Variants in ARHGEF1 observed in about 807,000 individuals in gnomAD.
The protein encoded by ARHGEF1 is Rho guanine nucleotide exchange factor 1, also known as 115 kDa guanine nucleotide exchange factor.
In ARHGEF1, 40 loss-of-function variants were observed where a neutral mutation model predicts 119.7. The ratio of observed to expected loss-of-function variants is 0.33; its 90% confidence interval spans 0.26 to 0.44. The LOEUF is 0.44. Among genes scored for constraint, ARHGEF1 ranks in the 20% least tolerant of loss-of-function variants. The probability of loss-of-function intolerance (pLI) is 1.00; values close to 1 mark genes in which losing one functional copy is unlikely to be tolerated. For synonymous variants in ARHGEF1, 494 were observed against 521.0 expected (o/e 0.95, Z 0.71); for missense variants, 976 against 1,268.3 (o/e 0.77, Z 3.50).
At position 41,905,155 on chromosome 19, in the gene ARHGEF1, G is replaced by T. The variant is rs782133847; in HGVS notation, c.2250-20G>T. On this transcript the variant is annotated intron_variant, in intron 23 of 28. Transcript: ENST00000354532. This position sits in a 1 kb window ranked among gnomAD's most constrained non-coding sequence, Gnocchi z 6.4. ...GGTCTGGGGGCTCTGACTGCCCAGGGATTTGGCCTTTCTCCCCAGCTGGTG... is the reference window on the plus strand; with the variant it reads ...GGTCTGGGGGCTCTGACTGCCCAGGTATTTGGCCTTTCTCCCCAGCTGGTG... 1.9e-6 allele frequency: 3 copies of T among 1,613,628 alleles called. No individual in the cohort carries two copies. In the South Asian group the frequency reaches 3.3e-5, roughly 18 times the overall value.
In ARHGEF1 at chr19:41,905,196, G is replaced by A; in HGVS notation, c.2271G>A (p.Glu757=). ...CCAGCTGGTGTGCTCTCATCACTGA[G>A]ACTGCCGGATCCCTGAAAGTCCCTG... The part of the protein sequence containing the change: ...ERKNWCALIT[E]TAGSLKVPAP... Residue 757 remains glutamate (E), a synonymous_variant, in exon 24 of 29, where the codon GAG becomes GAA. Transcript: ENST00000354532. This position sits in a 1 kb window ranked among gnomAD's most constrained non-coding sequence, Gnocchi z 6.4. 1 of 1,614,074 alleles carries A rather than the reference G, an allele frequency of 6.2e-7. No homozygotes were observed.
Position 41,892,419 on chromosome 19 carries a change from C to T in ARHGEF1, c.367+46C>T. 1.9e-6 allele frequency: 3 copies of T among 1,612,708 alleles called. No homozygotes were observed. The highest frequency in any genetic ancestry group is 2.5e-6 in the Non-Finnish European group (3 of 1,179,052). On this transcript the variant is annotated intron_variant, in intron 6 of 28. Transcript: ENST00000354532. The surrounding 1 kb of genome is among the most constrained non-coding windows in gnomAD (Gnocchi z 6.3). ...AGGGAGAGGTGTCTAGCGGGGACCA[C>T]ACCTCCCAGGAGGCCAAGGGGAGGG...
rs2074682223 is a variant in ARHGEF1 at position 41,905,689 on chromosome 19, T to C, written c.2337-71T>C. 7 of 1,536,204 alleles carry C rather than the reference T, an allele frequency of 4.6e-6. No homozygotes were observed. Among genetic ancestry groups the C allele is most frequent in the Admixed American group, 1.7e-5 (1 of 57,854 alleles). On this transcript the variant is annotated intron_variant, in intron 24 of 28. Coordinates refer to ENST00000354532, the MANE Select transcript of ARHGEF1 (RefSeq NM_004706.4). The surrounding 1 kb of genome is among the most constrained non-coding windows in gnomAD (Gnocchi z 6.4). ...ACCTCCCTGCCTCCCCACCTCCAGC[T>C]CTCTGTCTCCCTGCCCCTGCGGCCC...
Position 41,888,248 on chromosome 19 carries a change from G to A in ARHGEF1, c.81G>A (p.Glu27=), listed in dbSNP as rs782411038. Residue 27 remains glutamate, a synonymous_variant, in exon 3 of 29, where the codon GAG becomes GAA. Transcript: ENST00000354532. This position sits in a 1 kb window ranked among gnomAD's most constrained non-coding sequence, Gnocchi z 5.1. ...GLVPVSIIGA[E]DEDFENELET... Reference sequence around the variant, plus strand: ...TTCCCGTCAGCATCATCGGGGCTGAGGATGAGGATTTTGAGAACGAGCTGG... The same window carrying A: ...TTCCCGTCAGCATCATCGGGGCTGAAGATGAGGATTTTGAGAACGAGCTGG... The A allele has an allele frequency of 6.2e-7, 1 of 1,614,034 alleles. No individual in the cohort carries two copies. Among genetic ancestry groups the A allele is most frequent in the Non-Finnish European group, 8.5e-7 (1 of 1,179,998 alleles).
At chr19:41,919,882 A>T (rs1381635028), upstream of ARHGEF1, among the ~76,000 whole-genome samples, 1 of 152,090 alleles carries the variant, frequency 6.6e-6, no homozygotes, top group African/African-American at 2.4e-5. Flanking sequence ...GGACGGTCAC[A>T]CCAGACGCAG....
chr19:41,914,459 C>G (rs1326088904), intron 18 of ARHGEF1, among the ~76,000 whole-genome samples: 2 of 151,908 alleles, frequency 1.3e-5, no homozygotes, highest in African/African-American at 4.8e-5. Context: ...TCTCTCACCC[C>G]TGCTTCTTCT....
chr19:41,920,075 TCA>T (rs1459437383), upstream of ARHGEF1, among the ~76,000 whole-genome samples: 27 of 99,816 alleles, frequency 2.7e-4, no homozygotes, highest in South Asian at 1.4e-3. Context: ...TGTGACACAC[TCA>T]CAGACATGAC....
rs552046898 is a variant in ARHGEF1 at position 41,905,637 on chromosome 19, G to A, written c.2337-123G>A. The A allele has an allele frequency of 3.0e-4, 291 of 976,414 alleles. No homozygotes were observed. The highest frequency in any genetic ancestry group is 9.3e-4 in the African/African-American group (57 of 61,558). 60.5% of individuals were successfully genotyped at this position (976,414 alleles called of 1,614,324 possible). ...GGGCCTCTCTGTCTCCCTGTCTCCC[G>A]GCCTCGACCTCTGTCTCTGTCTCCG... On this transcript the variant is annotated intron_variant, in intron 24 of 28. Transcript: ENST00000354532. This position sits in a 1 kb window ranked among gnomAD's most constrained non-coding sequence, Gnocchi z 6.4.
Position 41,916,374 on chromosome 19 carries a change from C to G in ARHGEF1, c.1866-6718C>G, listed in dbSNP as rs1789964662. ...GCTGCCACACACAACCCACATCACACAGATGCATGTGTCAGTAAAGTCACA... is the reference window on the plus strand; with the variant it reads ...GCTGCCACACACAACCCACATCACAGAGATGCATGTGTCAGTAAAGTCACA... On this transcript the variant is annotated intron_variant, in intron 18 of 20. Coordinates refer to the ARHGEF1 transcript ENST00000599589. The surrounding 1 kb of genome is among the most constrained non-coding windows in gnomAD (Gnocchi z 5.4). 6.6e-6 allele frequency among the ~76,000 whole-genome samples: 1 copy of G among 152,096 alleles called. No homozygotes were observed. Among genetic ancestry groups the G allele is most frequent in the Admixed American group, 6.6e-5 (1 of 15,266 alleles).
intron 1 of ARHGEF1, chr19:41,884,577 C>T: frequency 1.3e-6 from 2 of 1,544,168 alleles, no homozygotes; most frequent in South Asian, 1.2e-5. Flanking sequence ...ACTGCCACGT[C>T]CCCCGTAGGA....
In ARHGEF1 at chr19:41,903,345, G is replaced by A. The variant is rs144202833; in HGVS notation, c.1777G>A (p.Glu593Lys). The A allele has an allele frequency of 2.4e-5, 38 of 1,613,916 alleles. No homozygotes were observed. Among genetic ancestry groups the A allele is most frequent in the Middle Eastern group, 1.6e-4 (1 of 6,062 alleles). ...ACGGGAGAAAGTGGAGCTGGCAGCC[G>A]AGTGCTGCCGGGAAATTCTACACCA... The part of the protein sequence containing the change: ...TEREKVELAA[E>K]CCREILHHVN... The change falls in exon 19 of 29, where the codon GAG becomes AAG. Residue 593 changes from glutamate (E) to lysine (K), a missense_variant. Glu to Lys is a moderately conservative substitution (Grantham distance 56, BLOSUM62 1). This residue lies in a region of ARHGEF1 where 286 missense variants were observed against 506.8 expected (regional missense o/e 0.56). Transcript: ENST00000354532. The surrounding 1 kb of genome is among the most constrained non-coding windows in gnomAD (Gnocchi z 4.2).
Position 41,902,023 on chromosome 19 carries a change from C to T in ARHGEF1, c.1404C>T (p.Ile468=), listed in dbSNP as rs782645744. The T allele has an allele frequency of 4.3e-6, 7 of 1,613,944 alleles. No homozygotes were observed. The highest frequency in any genetic ancestry group is 1.1e-5 in the South Asian group (1 of 91,052). ...TCTTCCCCAGCCTGGACGAGCTCATCGAGGTGCATTGTGAGTGCAGAGCCA... is the reference window on the plus strand; with the variant it reads ...TCTTCCCCAGCCTGGACGAGCTCATTGAGGTGCATTGTGAGTGCAGAGCCA... ...QNIFPSLDEL[I]EVHSLFLDRL... The change falls in exon 15 of 29, where the codon ATC becomes ATT. Residue 468 remains isoleucine, a synonymous_variant. Transcript: ENST00000354532. The surrounding 1 kb of genome is among the most constrained non-coding windows in gnomAD (Gnocchi z 6.5).
At position 41,902,622 on chromosome 19, in the gene ARHGEF1, G is replaced by A. The variant is rs782521256; in HGVS notation, c.1587G>A (p.Lys529=). ...TTGCCTTAGAGCAGCTCAAAGCCAAGCAACGCAAGGACCCTCGGTTCTGTG... is the reference window on the plus strand; with the variant it reads ...TTGCCTTAGAGCAGCTCAAAGCCAAACAACGCAAGGACCCTCGGTTCTGTG... ...QSFALEQLKA[K]QRKDPRFCAF... Residue 529 remains lysine, a synonymous_variant, in exon 17 of 29, where the codon AAG becomes AAA. Transcript: ENST00000354532. This position sits in a 1 kb window ranked among gnomAD's most constrained non-coding sequence, Gnocchi z 6.5. 2 of 1,614,226 alleles carry A rather than the reference G, an allele frequency of 1.2e-6. No individual in the cohort carries two copies. Among genetic ancestry groups the A allele is most frequent in the Non-Finnish European group, 1.7e-6 (2 of 1,180,030 alleles).
chr19:41,917,715 C>T lies in ARHGEF1; in HGVS notation c.1866-5377C>T, dbSNP rs1011180304. On this transcript the variant is annotated intron_variant, in intron 18 of 20. Transcript: ENST00000599589. This position sits in a 1 kb window ranked among gnomAD's most constrained non-coding sequence, Gnocchi z 4.8. The stretch of plus-strand genomic sequence containing the variant: ...CACACGTTCAGGCACAATCTGGGGA[C>T]ATATCTCTCCTTACGCCACACGCCC... Among the ~76,000 whole-genome samples the T allele has an allele frequency of 2.2e-4, 33 of 151,616 alleles. No individual in the cohort carries two copies. The highest frequency in any genetic ancestry group is 7.8e-4 in the African/African-American group (32 of 41,140).
chr19:41,919,467 C>T (rs1258162339), upstream of ARHGEF1, among the ~76,000 whole-genome samples: 3 of 152,062 alleles, frequency 2.0e-5, no homozygotes, highest in Non-Finnish European at 4.4e-5. Flanking sequence ...CAAGCTGGTA[C>T]ATTCAGCTCC....
Position 41,903,852 on chromosome 19 carries a change from C to T in ARHGEF1, c.1917+68C>T. ...GGCCCAGGGGATTCTGTGATACAGC[C>T]CCCAGCCTGTCCTGCCCATCCCATA... On this transcript the variant is annotated intron_variant, in intron 20 of 28. Coordinates refer to ENST00000354532, the MANE Select transcript of ARHGEF1 (RefSeq NM_004706.4). The surrounding 1 kb of genome is among the most constrained non-coding windows in gnomAD (Gnocchi z 4.2). 6.5e-7 allele frequency: 1 copy of T among 1,538,702 alleles called. No individual in the cohort carries two copies. Among genetic ancestry groups the T allele is most frequent in the Non-Finnish European group, 9.0e-7 (1 of 1,114,412 alleles).
rs544295220 is a variant in ARHGEF1, at chr19:41,916,072, G to C, written c.1866-7020G>C. On this transcript the variant is annotated intron_variant, in intron 18 of 20. Transcript: ENST00000599589. The surrounding 1 kb of genome is among the most constrained non-coding windows in gnomAD (Gnocchi z 5.4). ...CAGCCATGGCACCGAATGTGTGTGCGCATGTGAGCGAAGCGGTGTGCAGAG... is the reference window on the plus strand; with the variant it reads ...CAGCCATGGCACCGAATGTGTGTGCCCATGTGAGCGAAGCGGTGTGCAGAG... Among the ~76,000 whole-genome samples the C allele has an allele frequency of 6.6e-6, 1 of 151,548 alleles. No homozygotes were observed. The highest frequency in any genetic ancestry group is 2.4e-5 in the African/African-American group (1 of 41,108).
In ARHGEF1 at chr19:41,903,660, GC is replaced by G; in HGVS notation, c.1840-43del. On this transcript the variant is annotated intron_variant, in intron 19 of 28. Coordinates refer to ENST00000354532, the MANE Select transcript of ARHGEF1 (RefSeq NM_004706.4). The surrounding 1 kb of genome is among the most constrained non-coding windows in gnomAD (Gnocchi z 4.2). ...TACCAATGTGGGTCACTGCAGGTCA[GC>G]CCCAGCACTTAGCTTGTCCCCATAA... The G allele has an allele frequency of 6.3e-7, 1 of 1,591,264 alleles. No homozygotes were observed.
At position 41,903,018 on chromosome 19, in the gene ARHGEF1, T is replaced by C; in HGVS notation, c.1738+120T>C. ...ACTGCAGCCTCAACCTCCCAGGATC[T>C]ACCATCCTCCCACCTCAGCTCCCCA... On this transcript the variant is annotated intron_variant, in intron 18 of 28. Coordinates refer to ENST00000354532, the MANE Select transcript of ARHGEF1 (RefSeq NM_004706.4). This position sits in a 1 kb window ranked among gnomAD's most constrained non-coding sequence, Gnocchi z 4.2. The C allele has an allele frequency of 5.9e-6, 5 of 846,990 alleles. No homozygotes were observed. Among genetic ancestry groups the C allele is most frequent in the Non-Finnish European group, 8.9e-6 (5 of 559,910 alleles). 52.5% of individuals were successfully genotyped at this position (846,990 alleles called of 1,614,324 possible). A position where few individuals can be genotyped will look rare whatever the true frequency, so the allele number is the denominator to read the frequency against.
Sources: allele counts gnomAD v4.1 joint callset (sites outside exome capture counted in the v4.1 genomes callset), GRCh38; gene constraint gnomAD v4.1.1; regional missense constraint gnomAD v4.1.1; non-coding constraint Gnocchi (gnomAD v3.1); transcripts MANE v1.5; gene names NCBI Gene and HGNC (gene_info 2026-07-23, HGNC 2026-07-21).